NRG3: variants seen among roughly 807,000 people sequenced by gnomAD.
NRG3 encodes the protein pro-neuregulin-3, membrane-bound isoform.
A neutral mutation model predicts 66.9 loss-of-function variants in NRG3; 31 were observed. The observed-to-expected ratio is 0.46, with a 90% CI of 0.35 to 0.63. The LOEUF is 0.63. Ranked by LOEUF, NRG3 falls within the 20% of genes least tolerant of loss-of-function variation. NRG3 has a pLI of 0.00. For synonymous variants in NRG3, 393 were observed against 359.4 expected, an observed-to-expected ratio of 1.09 and a Z score of -1.06; for missense variants, 910 against 878.9, an observed-to-expected ratio of 1.04 and a Z score of -0.45.
Position 82,255,590 on chromosome 10 carries a change from T to TA in NRG3, c.824-103143dup, listed in dbSNP as rs1345631897. On this transcript the variant is annotated intron_variant, in intron 1 of 8. Coordinates refer to ENST00000372141, the MANE Select transcript of NRG3 (RefSeq NM_001010848.4). ...AATTTTTCTGTAAATCTTTTTTTTT[T>TA]AAAAAACAAAAAACAAACAAACAAA... 4.0e-5 allele frequency among the ~76,000 whole-genome samples: 6 copies of TA among 151,810 alleles called. No individual in the cohort carries two copies. In the East Asian group the frequency reaches 5.8e-4, roughly 15 times the overall value.
intron 1 of NRG3, among the ~76,000 whole-genome samples, chr10:81,897,743 C>A (rs750352843): frequency 6.6e-6 from 1 of 152,088 alleles, no homozygotes; most frequent in African/African-American, 2.4e-5. Context: ...ATTGAAAGAA[C>A]AAATGATATT....
chr10:82,180,295 A>G (rs997610040), intron 1 of NRG3, among the ~76,000 whole-genome samples: 6 of 151,884 alleles, frequency 4.0e-5, no homozygotes, highest in African/African-American at 1.4e-4. Flanking sequence ...TAGAAGTGGC[A>G]TGAGTGACAT....
At chr10:82,146,520 G>A (rs2070275832) in intron 1 of NRG3, among the ~76,000 whole-genome samples, 1 of 152,076 alleles carries the variant, frequency 6.6e-6, no homozygotes. Flanking sequence ...AACCGTAAAG[G>A]CATGTTTTCT....
chr10:82,838,237 A>G (rs981621377), intron 3 of NRG3, among the ~76,000 whole-genome samples: 1 of 152,306 alleles, frequency 6.6e-6, no homozygotes, highest in Admixed American at 6.5e-5. Context: ...TGAACAGATT[A>G]TAAGTCAACT....
At chr10:82,559,747 C>G (rs1372844151) in intron 2 of NRG3, among the ~76,000 whole-genome samples, 1 of 152,170 alleles carries the variant, frequency 6.6e-6, no homozygotes, top group Non-Finnish European at 1.5e-5. Flanking sequence ...AAATATTGCT[C>G]TTGTCACTAA....
Position 82,757,453 on chromosome 10 carries a change from A to G in NRG3, c.1027+18803A>G, listed in dbSNP as rs113618641. 4.3e-3 allele frequency among the ~76,000 whole-genome samples: 659 copies of G among 152,240 alleles called. 2 individuals carry two copies. The highest frequency in any genetic ancestry group is 9.0e-3 in the Admixed American group (137 of 15,266). On this transcript the variant is annotated intron_variant, in intron 3 of 8. Transcript: ENST00000372141. ...GTTTCACTAGAGAAGAAATATTTAA[A>G]CTGAGATCTGAATAACAAGAAAGAA...
At chr10:82,382,549 G>A (rs1339169239) in intron 2 of NRG3, among the ~76,000 whole-genome samples, 1 of 151,898 alleles carries the variant, frequency 6.6e-6, no homozygotes, top group Non-Finnish European at 1.5e-5. Context: ...GCCTTTTGCA[G>A]GCCTGTAATC....
chr10:82,861,532 A>G (rs1363812239), intron 3 of NRG3, among the ~76,000 whole-genome samples: 1 of 152,214 alleles, frequency 6.6e-6, no homozygotes, highest in Non-Finnish European at 1.5e-5. Context: ...TTGGCCCTCC[A>G]TTAATCAAAC....
chr10:81,960,161 A>C (rs1381740545), intron 1 of NRG3, among the ~76,000 whole-genome samples: 1 of 151,542 alleles, frequency 6.6e-6, no homozygotes, highest in African/African-American at 2.4e-5. Context: ...TCACTTTTAA[A>C]TTTTTCTTGC....
At chr10:82,722,818 A>T (rs1311103665) in intron 2 of NRG3, among the ~76,000 whole-genome samples, 2 of 152,200 alleles carry the variant, frequency 1.3e-5, no homozygotes, top group Non-Finnish European at 1.5e-5. Context: ...TGACTTTATC[A>T]TTATTCTCAG....
At chr10:82,118,996 G>A (rs1670797140) in intron 1 of NRG3, among the ~76,000 whole-genome samples, 1 of 152,094 alleles carries the variant, frequency 6.6e-6, no homozygotes. Flanking sequence ...GGCAAGTTGT[G>A]AATTTCTTTT....
intron 4 of NRG3, among the ~76,000 whole-genome samples, chr10:82,867,479 CT>C (rs1381970334): frequency 6.6e-6 from 1 of 152,144 alleles, no homozygotes; most frequent in African/African-American, 2.4e-5. Flanking sequence ...TTAGAAATCT[CT>C]GCCACTGTGT....
chr10:81,982,192 T>A (rs2060353772), intron 1 of NRG3, among the ~76,000 whole-genome samples: 1 of 152,204 alleles, frequency 6.6e-6, no homozygotes, highest in Admixed American at 6.5e-5. Context: ...TACCCAGGTT[T>A]GTCACCTACA....
chr10:82,500,999 T>C (rs1844127043), intron 2 of NRG3, among the ~76,000 whole-genome samples: 1 of 152,066 alleles, frequency 6.6e-6, no homozygotes, highest in Admixed American at 6.6e-5. Flanking sequence ...GGGAAAAGAA[T>C]ATGCTGAACT....
intron 2 of NRG3, among the ~76,000 whole-genome samples, chr10:82,630,912 A>G (rs1321079162): frequency 6.6e-6 from 1 of 152,168 alleles, no homozygotes; most frequent in African/African-American, 2.4e-5. Flanking sequence ...ATTTTTGTTC[A>G]CAAAGACTTT....
At chr10:81,993,552 G>T (rs1424123170) in intron 1 of NRG3, among the ~76,000 whole-genome samples, 1 of 151,946 alleles carries the variant, frequency 6.6e-6, no homozygotes, top group Non-Finnish European at 1.5e-5. Context: ...TTGTTAGGTT[G>T]CTCAGCTTGG....
At chr10:82,555,494 CTACTGACCAT>C (rs1386459873) in intron 2 of NRG3, among the ~76,000 whole-genome samples, 2 of 152,050 alleles carry the variant, frequency 1.3e-5, no homozygotes, top group African/African-American at 2.4e-5. Context: ...TTCCTAAAAG[CTACTGACCAT>C]CCTAAGTACT....
rs148074688 is a variant in NRG3 at position 82,778,070 on chromosome 10, G to A, written c.1027+39420G>A. ...GGGTGCCTGTTAACTCCTGTTCCAGGGAATACAGCTGCTCTGCTGGACTGG... is the reference window on the plus strand; with the variant it reads ...GGGTGCCTGTTAACTCCTGTTCCAGAGAATACAGCTGCTCTGCTGGACTGG... On this transcript the variant is annotated intron_variant, in intron 3 of 8. Coordinates refer to ENST00000372141, the MANE Select transcript of NRG3 (RefSeq NM_001010848.4). Among the ~76,000 whole-genome samples the A allele has an allele frequency of 2.5e-3, 379 of 152,266 alleles. 2 individuals carry two copies. The highest frequency in any genetic ancestry group is 3.3e-3 in the Non-Finnish European group (222 of 68,024).
chr10:82,670,731 AC>A (rs1444699227), intron 2 of NRG3, among the ~76,000 whole-genome samples: 1 of 152,146 alleles, frequency 6.6e-6, no homozygotes, highest in Non-Finnish European at 1.5e-5. Context: ...AAGAAAAAAA[AC>A]AAAACAAAAC....
Sources: gnomAD v4.1 joint callset for allele counts (sites outside exome capture counted in the v4.1 genomes callset) on GRCh38, gnomAD v4.1.1 for gene constraint, MANE v1.5 for transcripts, NCBI Gene and HGNC (gene_info 2026-07-23, HGNC 2026-07-21) for gene names.